STK36: variants seen among roughly 807,000 people sequenced by gnomAD.
The protein encoded by STK36 is serine/threonine kinase 36, also known as serine/threonine-protein kinase 36.
STK36 carries 116 observed loss-of-function variants against 142.2 expected under a neutral mutation model. The observed-to-expected ratio is 0.82, with a 90% CI of 0.70 to 0.95. The LOEUF (loss-of-function observed/expected upper bound fraction) is 0.95. STK36 is among the 40% of genes least tolerant of loss of function. The probability of loss-of-function intolerance (pLI) is 0.00; values close to 1 mark genes in which losing one functional copy is unlikely to be tolerated. For synonymous variants in STK36, 619 were observed against 641.7 expected, an observed-to-expected ratio of 0.96 and a Z score of 0.53; for missense variants, 1,422 against 1,617.2, an observed-to-expected ratio of 0.88 and a Z score of 2.07.
At chr2:218,679,421 C>T in intron 7 of STK36, 139 bp from the exon 8 acceptor site, 1 of 1,303,116 alleles carries the variant, frequency 7.7e-7, no homozygotes. Context: ...ACTTCCCTTA[C>T]AACCCACTCT....
chr2:218,681,545 C>T (rs773350160), intron 10 of STK36, among the ~76,000 whole-genome samples: 12 of 152,126 alleles, frequency 7.9e-5, no homozygotes, highest in Non-Finnish European at 1.5e-4. Flanking sequence ...TTGTCTTAGT[C>T]TGTTTTGTGC....
chr2:218,690,230 TAAAG>T (rs564702580), intron 13 of STK36, among the ~76,000 whole-genome samples: 4 of 151,146 alleles, frequency 2.6e-5, no homozygotes, highest in South Asian at 2.1e-4. Flanking sequence ...CCAATTGGAT[TAAAG>T]AAAGAAAGAA....
At chr2:218,683,056 T>C (rs962819445) in intron 10 of STK36, among the ~76,000 whole-genome samples, 2 of 152,226 alleles carry the variant, frequency 1.3e-5, no homozygotes, top group Non-Finnish European at 2.9e-5. Flanking sequence ...GTTGTATATA[T>C]TTTTGGTAGG....
chr2:218,697,117 C>T lies in STK36; in HGVS notation c.2665C>T (p.Leu889=), dbSNP rs1941263709. ...TTTGTGGCACCGCTTCTCCATGGTC[C>T]TGAGGCTCCCCGAGGAGGCATCTGC... ...TVLWHRFSMV[L]RLPEEASAQE... is the part of the protein sequence containing the mutation. The change falls in exon 23 of 27, where the codon CTG becomes TTG. Residue 889 remains leucine, a synonymous_variant. Transcript: ENST00000295709. 2 of 1,614,188 alleles carry T rather than the reference C, an allele frequency of 1.2e-6. No homozygotes were observed. The highest frequency in any genetic ancestry group is 4.5e-5 in the East Asian group (2 of 44,884).
intron 14 of STK36, among the ~76,000 whole-genome samples, chr2:218,691,397 C>T (rs139599827): frequency 6.6e-6 from 1 of 152,172 alleles, no homozygotes; most frequent in Non-Finnish European, 1.5e-5. Context: ...CTTTTACTGT[C>T]TAACCTAAAT....
At chr2:218,681,406 C>T (rs1379634560) in intron 10 of STK36, among the ~76,000 whole-genome samples, 1 of 152,182 alleles carries the variant, frequency 6.6e-6, no homozygotes, top group Non-Finnish European at 1.5e-5. Flanking sequence ...GGATTACAGG[C>T]ATGAGCCACT....
intron 4 of STK36, among the ~76,000 whole-genome samples, chr2:218,674,205 T>G (rs573308211): frequency 9.9e-5 from 15 of 152,122 alleles, no homozygotes; most frequent in African/African-American, 3.6e-4. Flanking sequence ...CTTTAATTTC[T>G]TTGTGCTTAG....
chr2:218,682,647 G>A (rs1396503237), intron 10 of STK36, among the ~76,000 whole-genome samples: 1 of 152,054 alleles, frequency 6.6e-6, no homozygotes, highest in Non-Finnish European at 1.5e-5. Flanking sequence ...AGGGTGGAGT[G>A]CAATGATGTG....
At chr2:218,688,144 G>A (rs1203559279) in intron 11 of STK36, among the ~76,000 whole-genome samples, 4 of 152,214 alleles carry the variant, frequency 2.6e-5, no homozygotes, top group Admixed American at 2.6e-4. Context: ...TGGAGGACAA[G>A]AGTGAAACTC....
chr2:218,688,740 C>T lies in STK36; in HGVS notation c.1424C>T (p.Ala475Val), dbSNP rs1434385942. 1.2e-6 allele frequency: 2 copies of T among 1,614,036 alleles called. No homozygotes were observed. Among genetic ancestry groups the T allele is most frequent in the African/African-American group, 1.3e-5 (1 of 75,028 alleles). ...ILEGASHILP[A>V]FRVLSSLLSS... ...GAGGGTGCTTCCCACATCCTGCCTGCATTCCGGGTCCTGAGCAGTCTTCTC... is the reference window on the plus strand; with the variant it reads ...GAGGGTGCTTCCCACATCCTGCCTGTATTCCGGGTCCTGAGCAGTCTTCTC... Residue 475 changes from alanine to valine, a missense_variant, in exon 12 of 27, where the codon GCA becomes GTA. Transcript: ENST00000295709.
At position 218,694,733 on chromosome 2, in the gene STK36, T is replaced by TAAG; in HGVS notation, c.2511+100_2511+101insGAA. The stretch of plus-strand genomic sequence containing the variant: ...GACTGAAATGCCAGCAAGCCTGGAG[T>TAAG]AAACTGAGGAATGGAAAAGGAATCA... On this transcript the variant is annotated intron_variant, in intron 21 of 26. Transcript: ENST00000295709. This position sits in a 1 kb window ranked among gnomAD's most constrained non-coding sequence, Gnocchi z 4.4. 1 of 1,024,274 alleles carries TAAG rather than the reference T, an allele frequency of 9.8e-7. No individual in the cohort carries two copies. The highest frequency in any genetic ancestry group is 1.6e-5 in the African/African-American group (1 of 62,836). The allele number at this position is 1,024,274 out of a possible 1,614,324, so 63.4% of individuals were successfully genotyped here. A position where few individuals can be genotyped will look rare whatever the true frequency, so the allele number is the denominator to read the frequency against.
At position 218,702,260 on chromosome 2, in the gene STK36, G is replaced by A; in HGVS notation, c.*251G>A. 1 of 380,406 alleles carries A rather than the reference G, an allele frequency of 2.6e-6. No individual in the cohort carries two copies. The highest frequency in any genetic ancestry group is 5.9e-5 in the South Asian group (1 of 17,076). The allele number at this position is 380,406 out of a possible 1,614,324, so 23.6% of individuals were successfully genotyped here. A position where few individuals can be genotyped will look rare whatever the true frequency, so the allele number is the denominator to read the frequency against. On this transcript the variant is annotated 3_prime_UTR_variant, in exon 27 of 27. Coordinates refer to ENST00000295709, the MANE Select transcript of STK36 (RefSeq NM_015690.5). ...GAGTCCTTTCTTCTCTACATCCAGG[G>A]GCCTTTTCTCCAATAATGTGCCTTT...
chr2:218,690,883 T>C (rs927376236), intron 14 of STK36, among the ~76,000 whole-genome samples: 39 of 152,226 alleles, frequency 2.6e-4, no homozygotes, highest in African/African-American at 8.9e-4. Context: ...TGGAGTATCA[T>C]AGAAGAAATC....
chr2:218,686,925 C>T (rs149966224), intron 11 of STK36, among the ~76,000 whole-genome samples: 530 of 152,330 alleles, frequency 3.5e-3, no homozygotes, highest in African/African-American at 0.012. Context: ...CTTGTCAACA[C>T]TTGTTATTGT....
chr2:218,696,839 C>T (rs765408023), intron 22 of STK36, 200 bp from the exon 23 acceptor site: 1 of 925,554 alleles, frequency 1.1e-6, no homozygotes, highest in Non-Finnish European at 1.8e-6. Context: ...TTTCAGCAGA[C>T]ATACACATGA....
chr2:218,679,668 G>A lies in STK36; in HGVS notation c.887G>A (p.Gly296Asp), dbSNP rs778166293. 6.2e-7 allele frequency: 1 copy of A among 1,614,196 alleles called. No individual in the cohort carries two copies. The highest frequency in any genetic ancestry group is 1.1e-5 in the South Asian group (1 of 91,088). The change falls in exon 8 of 27, where the codon GGT (glycine) becomes GAT (aspartate). Residue 296 changes from glycine to aspartate, a missense_variant. Coordinates refer to ENST00000295709, the MANE Select transcript of STK36 (RefSeq NM_015690.5). ...CAGGCCCATCGGTTGGCCCCCAAGG[G>A]TAATCAGTCTCGCATCTTGACTCAG... ...DEQAHRLAPK[G>D]NQSRILTQAY...
intron 6 of STK36, among the ~76,000 whole-genome samples, chr2:218,677,004 G>A (rs1940283537): frequency 6.6e-6 from 1 of 151,822 alleles, no homozygotes; most frequent in Admixed American, 6.6e-5. Flanking sequence ...CGCGATCTCG[G>A]CTGACCGCAA....
chr2:218,690,412 G>A, intron 13 of STK36, 38 bp from the exon 14 acceptor site: 1 of 1,555,914 alleles, frequency 6.4e-7, no homozygotes, highest in African/African-American at 1.4e-5. Flanking sequence ...GCTTTTAGTA[G>A]AGAGATAAGA....
chr2:218,698,623 T>C lies in STK36; in HGVS notation c.3079T>C (p.Leu1027=), dbSNP rs1416853742. ...TCAGGTCTGCTGCTACCATCTTCCG[T>C]TGATGCAAGTGGAGCTGCCCATCAG... The part of the protein sequence containing the change: ...LLQVCCYHLP[L]MQVELPISLL... The change falls in exon 26 of 27, where the codon TTG becomes CTG. Residue 1027 remains leucine (L), a synonymous_variant. Transcript: ENST00000295709. 4 of 1,613,904 alleles carry C rather than the reference T, an allele frequency of 2.5e-6. No individual in the cohort carries two copies. Among genetic ancestry groups the C allele is most frequent in the African/African-American group, 1.3e-5 (1 of 74,928 alleles).
Sources: allele counts gnomAD v4.1 joint callset (sites outside exome capture counted in the v4.1 genomes callset), GRCh38; gene constraint gnomAD v4.1.1; non-coding constraint Gnocchi (gnomAD v3.1); transcripts MANE v1.5; gene names NCBI Gene and HGNC (gene_info 2026-07-23, HGNC 2026-07-21).